Variants in CCAR2 observed in about 807,000 individuals in gnomAD.
CCAR2 encodes the protein cell cycle and apoptosis regulator 2, also known as cell cycle and apoptosis regulator protein 2.
In CCAR2, 21 loss-of-function variants were observed where a neutral mutation model predicts 108.1. That is an observed-to-expected ratio of 0.19 (90% CI 0.14 to 0.28). The LOEUF is 0.28. Among genes scored for constraint, CCAR2 ranks in the 10% least tolerant of loss-of-function variants. CCAR2 has a pLI of 1.00. For missense variants in CCAR2, 1,126 were observed against 1,177.0 expected (o/e 0.96, Z 0.63); for synonymous variants, 577 against 472.8 (o/e 1.22, Z -2.86).
chr8:22,619,602 A>G (rs1176607376), intron 20 of CCAR2, 36 bp from the exon 21 acceptor site: 2 of 1,546,650 alleles, frequency 1.3e-6, no homozygotes, highest in Non-Finnish European at 1.7e-6. Flanking sequence ...TCACCTTGCC[A>G]GGCCCGATTC....
rs1317028314 is a variant in CCAR2, at chr8:22,606,109, GCCC to G, written c.84_86del (p.Pro31del). 6.2e-7 allele frequency: 1 copy of G among 1,614,058 alleles called. No individual in the cohort carries two copies. Among genetic ancestry groups the G allele is most frequent in the Non-Finnish European group, 8.5e-7 (1 of 1,179,968 alleles). On this transcript the variant is annotated inframe_deletion, in exon 3 of 21. Coordinates refer to ENST00000308511, the MANE Select transcript of CCAR2 (RefSeq NM_001393997.1). ...GGCACAGCTTCAACATCTCTTCTGG[GCCC>G]TCCTCCTGGTTTGCTCACTCCTCCT...
At chr8:22,612,286 T>C (rs538653578) in intron 7 of CCAR2, among the ~76,000 whole-genome samples, 1 of 148,320 alleles carries the variant, frequency 6.7e-6, no homozygotes, top group East Asian at 2.0e-4. Flanking sequence ...TTTTTTTTTT[T>C]GAGACGGAGT....
downstream of CCAR2, chr8:22,621,051 T>C (rs1264092608): frequency 1.6e-5 from 3 of 183,226 alleles, no homozygotes; most frequent in Admixed American, 1.8e-4. Flanking sequence ...GATGGGTCTT[T>C]TGGAGGTAGA....
At chr8:22,619,438 G>A in intron 20 of CCAR2, 83 bp downstream of exon 20, 1 of 1,496,644 alleles carries the variant, frequency 6.7e-7, no homozygotes, top group Non-Finnish European at 9.0e-7. Context: ...GCCCGTGTCG[G>A]GAGTGACCAG....
rs1216126719 is a variant in CCAR2, at chr8:22,619,807, T to A, written c.*125T>A. The A allele has an allele frequency of 8.8e-6, 9 of 1,027,422 alleles. No individual in the cohort carries two copies. The highest frequency in any genetic ancestry group is 1.5e-6 in the Non-Finnish European group (1 of 687,466). 63.6% of individuals were successfully genotyped at this position (1,027,422 alleles called of 1,614,324 possible). The stretch of plus-strand genomic sequence containing the variant: ...GCCAGGGCAGGGGTGGCTGACCCCA[T>A]GCTCAGCCTCTAGGGGACGGCAGGC... On this transcript the variant is annotated 3_prime_UTR_variant, in exon 21 of 21. Coordinates refer to ENST00000308511, the MANE Select transcript of CCAR2 (RefSeq NM_001393997.1).
At position 22,619,801 on chromosome 8, in the gene CCAR2, AC is replaced by A. The variant is rs1228135459; in HGVS notation, c.*123del. 1.8e-6 allele frequency: 2 copies of A among 1,115,724 alleles called. No homozygotes were observed. Among genetic ancestry groups the A allele is most frequent in the Non-Finnish European group, 2.6e-6 (2 of 766,654 alleles). 69.1% of individuals were successfully genotyped at this position (1,115,724 alleles called of 1,614,324 possible). The stretch of plus-strand genomic sequence containing the variant: ...CTGGGAGCCAGGGCAGGGGTGGCTG[AC>A]CCCATGCTCAGCCTCTAGGGGACGG... On this transcript the variant is annotated 3_prime_UTR_variant, in exon 21 of 21. Coordinates refer to ENST00000308511, the MANE Select transcript of CCAR2 (RefSeq NM_001393997.1).
intron 7 of CCAR2, among the ~76,000 whole-genome samples, chr8:22,611,940 T>A (rs1392450707): frequency 7.9e-6 from 1 of 126,682 alleles, no homozygotes; most frequent in Non-Finnish European, 1.7e-5. Context: ...TTTGTAACTG[T>A]CTCTCTTTTT....
chr8:22,608,193 C>A, intron 7 of CCAR2, 128 bp downstream of exon 7: 2 of 667,386 alleles, frequency 3.0e-6, no homozygotes, highest in Non-Finnish European at 5.2e-6. Flanking sequence ...CTATGCTTAC[C>A]ACTAACATTC....
rs1801689946 is a variant in CCAR2 at position 22,619,758 on chromosome 8, AAGC to A, written c.*80_*82del. On this transcript the variant is annotated 3_prime_UTR_variant, in exon 21 of 21. Transcript: ENST00000308511. ...AAGTTGGAGCCCTTGCGGTACCAGAAAGCAGCGAGAGCGAGACCTGGGAGCCAG... is the reference window on the plus strand; with the variant it reads ...AAGTTGGAGCCCTTGCGGTACCAGAAAGCGAGAGCGAGACCTGGGAGCCAG... 6.7e-6 allele frequency: 10 copies of A among 1,486,512 alleles called. No individual in the cohort carries two copies. Among genetic ancestry groups the A allele is most frequent in the Non-Finnish European group, 9.1e-6 (10 of 1,094,136 alleles). 92.1% of individuals were successfully genotyped at this position (1,486,512 alleles called of 1,614,324 possible).
At position 22,617,430 on chromosome 8, in the gene CCAR2, G is replaced by C. The variant is rs202245712; in HGVS notation, c.1856G>C (p.Gly619Ala). 1.2e-5 allele frequency: 19 copies of C among 1,549,572 alleles called. No individual in the cohort carries two copies. Among genetic ancestry groups the C allele is most frequent in the Non-Finnish European group, 1.6e-5 (18 of 1,151,688 alleles). ...TGTCTGCCTCTGTAGAAGGAGGATGGGCTTTTGCCCAAACCACTCTCTTCT... is the reference window on the plus strand; with the variant it reads ...TGTCTGCCTCTGTAGAAGGAGGATGCGCTTTTGCCCAAACCACTCTCTTCT... Reference protein sequence around the residue: ...TESEAPLKEDGLLPKPLSSGG... With the variant: ...TESEAPLKEDALLPKPLSSGG... The change falls in exon 15 of 21, where the codon GGG becomes GCG. Residue 619 changes from glycine (G) to alanine (A), a missense_variant. Physicochemically the swap from Gly to Ala is moderately conservative, Grantham distance 60. Transcript: ENST00000308511.
chr8:22,616,450 C>T (rs1801512070), intron 14 of CCAR2: 1 of 593,830 alleles, frequency 1.7e-6, no homozygotes, highest in Middle Eastern at 4.5e-4. Flanking sequence ...GCTGAGCAGC[C>T]TGACAGCACA....
rs773925937 is a variant in CCAR2, at chr8:22,616,139, C to T, written c.1736C>T (p.Ala579Val). ...CCTGAACCTGAGAAGGAGGAGGCGG[C>T]CAAGGAAGAAGCCACCAAGGAGGAA... ...SPPEPEKEEA[A>V]KEEATKEEEA... The change falls in exon 14 of 21, where the codon GCC (alanine) becomes GTC (valine). Residue 579 changes from alanine (A) to valine (V), a missense_variant. Around this residue, in one of 4 missense-constraint regions of CCAR2, gnomAD observed 1,013 missense variants for 993.9 expected, o/e 1.02. Transcript: ENST00000308511. 9.3e-6 allele frequency: 15 copies of T among 1,613,636 alleles called. No homozygotes were observed. The Admixed American group carries it at 2.5e-4, about 27-fold the overall frequency.
chr8:22,607,412 G>C, intron 6 of CCAR2, 87 bp downstream of exon 6: 2 of 1,504,956 alleles, frequency 1.3e-6, no homozygotes, highest in Non-Finnish European at 1.8e-6. Context: ...TTAGCATAGA[G>C]GTGGGTACTT....
intron 17 of CCAR2, 39 bp from the exon 18 acceptor site, chr8:22,618,578 G>C: frequency 2.5e-6 from 4 of 1,614,008 alleles, no homozygotes; most frequent in Non-Finnish European, 3.4e-6. Flanking sequence ...GCCAGGGTCG[G>C]GGACGGGGCC....
At position 22,619,322 on chromosome 8, in the gene CCAR2, C is replaced by A. The variant is rs574577593; in HGVS notation, c.2694C>A (p.Pro898=). The stretch of plus-strand genomic sequence containing the variant: ...AGGAGCTCCGCAGGCGTCTGACCCC[C>A]CTGCAGCTGGAGATCCAGCGGGTGG... ...LLQELRRRLT[P]LQLEIQRVVE... Residue 898 remains proline, a synonymous_variant, in exon 20 of 21, where the codon CCC becomes CCA. Transcript: ENST00000308511. The A allele has an allele frequency of 6.4e-7, 1 of 1,563,698 alleles. No individual in the cohort carries two copies. The highest frequency in any genetic ancestry group is 8.7e-7 in the Non-Finnish European group (1 of 1,154,812).
At chr8:22,621,348 G>A (rs1291457906), downstream of CCAR2, 4 of 1,518,766 alleles carry the variant, frequency 2.6e-6, no homozygotes, top group African/African-American at 2.7e-5. Flanking sequence ...TGTGAGAGGA[G>A]CAGCTAGCCC....
chr8:22,605,553 G>C (rs1801036818), intron 1 of CCAR2, 183 bp from the exon 2 acceptor site: 2 of 582,854 alleles, frequency 3.4e-6, no homozygotes, highest in South Asian at 2.1e-5. Flanking sequence ...GGGCAAACTG[G>C]AACAATGTAA....
At chr8:22,612,804 AGT>A (rs1801341896) in intron 7 of CCAR2, 3 of 500,628 alleles carry the variant, frequency 6.0e-6, no homozygotes, top group African/African-American at 5.9e-5. Context: ...AATGTTGCAG[AGT>A]GTGCTTTTTG....
At chr8:22,615,169 C>A in intron 11 of CCAR2, 168 bp downstream of exon 11, 1 of 1,011,986 alleles carries the variant, frequency 9.9e-7, no homozygotes, top group Non-Finnish European at 1.4e-6. Context: ...CAAAATCTGG[C>A]TGAGCCACCA....
Sources: allele counts gnomAD v4.1 joint callset (sites outside exome capture counted in the v4.1 genomes callset), GRCh38; gene constraint gnomAD v4.1.1; regional missense constraint gnomAD v4.1.1; transcripts MANE v1.5; gene names NCBI Gene and HGNC (gene_info 2026-07-23, HGNC 2026-07-21).